The following ODAD4 variants were observed in gnomAD, a reference collection of about 807,000 sequenced individuals.
ODAD4 encodes the protein outer dynein arm-docking complex subunit 4.
A neutral mutation model predicts 51.8 loss-of-function variants in ODAD4; 49 were observed. The observed-to-expected ratio is 0.95, with a 90% confidence interval of 0.75 to 1.20. The LOEUF is 1.20. Among genes scored for constraint, ODAD4 ranks in the 50% most tolerant of loss-of-function variants. ODAD4 has a pLI of 0.00. For synonymous variants in ODAD4, 235 were observed against 221.3 expected, an observed-to-expected ratio of 1.06 and a Z score of -0.55; for missense variants, 590 against 586.5, an observed-to-expected ratio of 1.01 and a Z score of -0.06.
chr17:41,940,328 C>A (rs2050488816), intron 7 of ODAD4, among the ~76,000 whole-genome samples: 1 of 152,240 alleles, frequency 6.6e-6, no homozygotes, highest in Non-Finnish European at 1.5e-5. Flanking sequence ...GGGCCCCTCA[C>A]TGCCTGCAGG....
chr17:41,936,814 C>G lies in ODAD4; in HGVS notation c.512C>G (p.Thr171Ser), dbSNP rs534018542. 2 of 1,613,996 alleles carry G rather than the reference C, an allele frequency of 1.2e-6. No individual in the cohort carries two copies. Among genetic ancestry groups the G allele is most frequent in the Admixed American group, 1.7e-5 (1 of 60,026 alleles). The change falls in exon 5 of 12, where the codon ACC (threonine) becomes AGC (serine). Residue 171 changes from threonine (T) to serine (S), a missense_variant. Coordinates refer to ENST00000377540, the MANE Select transcript of ODAD4 (RefSeq NM_031421.5). ...CCCATGAAACACCTCTTACACCCCA[C>G]CAAGGGAGAGCCCAAGTGGAAGGCC... ...PQPMKHLLHP[T>S]KGEPKWKASL... is the part of the protein sequence containing the mutation.
chr17:41,938,694 A>G lies in ODAD4; in HGVS notation c.763A>G (p.Met255Val). The stretch of plus-strand genomic sequence containing the variant: ...CGCCAGGGAGCGGGACCGGAAGCTG[A>G]TGCAAGAGAAATGGCTGCGGGACCA... ...IYARERDRKL[M>V]QEKWLRDHKR... The change falls in exon 6 of 12, where the codon ATG becomes GTG. Residue 255 changes from methionine to valine, a missense_variant. Met to Val is a conservative substitution (Grantham distance 21, BLOSUM62 1). Coordinates refer to ENST00000377540, the MANE Select transcript of ODAD4 (RefSeq NM_031421.5). 6.2e-7 allele frequency: 1 copy of G among 1,613,948 alleles called. No individual in the cohort carries two copies. Among genetic ancestry groups the G allele is most frequent in the South Asian group, 1.1e-5 (1 of 91,078 alleles).
At chr17:41,956,801 T>G (rs2050740559) in intron 10 of ODAD4, among the ~76,000 whole-genome samples, 2 of 152,154 alleles carry the variant, frequency 1.3e-5, no homozygotes, top group African/African-American at 4.8e-5. Context: ...CAGGCTAGTC[T>G]CAAACTCTTT....
chr17:41,935,897 G>A, intron 3 of ODAD4, 148 bp downstream of exon 3: 1 of 934,390 alleles, frequency 1.1e-6, no homozygotes, highest in Non-Finnish European at 1.6e-6. Flanking sequence ...GTGTTGTTGA[G>A]GATTAGCCGG....
In ODAD4 at chr17:41,944,391, T is replaced by TACACACAC. The variant is rs1158342629; in HGVS notation, c.1059-698_1059-691dup. ...AAAACAAACAAACCCCAAACACACA[T>TACACACAC]ACACACACACACACACACACACACA... On this transcript the variant is annotated intron_variant, in intron 7 of 11. Transcript: ENST00000377540. 2.2e-3 allele frequency among the ~76,000 whole-genome samples: 173 copies of TACACACAC among 78,660 alleles called. 4 individuals are homozygous for TACACACAC. Among genetic ancestry groups the TACACACAC allele is most frequent in the Non-Finnish European group, 2.8e-3 (121 of 42,710 alleles). 51.6% of individuals were successfully genotyped at this position (78,660 alleles called of 152,430 possible). A position where few individuals can be genotyped will look rare whatever the true frequency, so the allele number is the denominator to read the frequency against.
intron 9 of ODAD4, among the ~76,000 whole-genome samples, chr17:41,954,872 C>T (rs544438731): frequency 7.3e-5 from 11 of 150,646 alleles, no homozygotes; most frequent in Admixed American, 2.0e-4. Flanking sequence ...AAAAAAAATT[C>T]GTCTTCCAGA....
chr17:41,948,829 AC>A (rs1451818611), intron 8 of ODAD4, among the ~76,000 whole-genome samples: 3 of 152,052 alleles, frequency 2.0e-5, no homozygotes, highest in Admixed American at 6.6e-5. Context: ...TAGTAGACAG[AC>A]AGGGTTTTGC....
At chr17:41,940,230 C>G (rs898196567) in intron 7 of ODAD4, among the ~76,000 whole-genome samples, 1 of 152,174 alleles carries the variant, frequency 6.6e-6, no homozygotes, top group Non-Finnish European at 1.5e-5. Context: ...GCTGCTTCCC[C>G]TGCCTCTGCT....
rs1302462015 is a variant in ODAD4, at chr17:41,956,167, C to T, written c.1443+850C>T. On this transcript the variant is annotated intron_variant, in intron 10 of 11. Coordinates refer to ENST00000377540, the MANE Select transcript of ODAD4 (RefSeq NM_031421.5). Reference sequence around the variant, plus strand: ...GGTTCAAACGATTCACCTGCCTCAGCCTCCCGAGTAGCTGGGATCACAGGC... The same window carrying T: ...GGTTCAAACGATTCACCTGCCTCAGTCTCCCGAGTAGCTGGGATCACAGGC... Among the ~76,000 whole-genome samples the T allele has an allele frequency of 3.6e-4, 54 of 151,770 alleles. 2 individuals carry two copies. The highest frequency in any genetic ancestry group is 3.5e-3 in the Admixed American group (53 of 15,192).
intron 10 of ODAD4, among the ~76,000 whole-genome samples, chr17:41,960,491 C>T (rs2050791576): frequency 6.6e-6 from 1 of 152,142 alleles, no homozygotes; most frequent in Admixed American, 6.5e-5. Flanking sequence ...AGCACAAACC[C>T]TGGTTCATGA....
At chr17:41,963,661 C>T (rs564275031) in intron 11 of ODAD4, among the ~76,000 whole-genome samples, 2 of 147,062 alleles carry the variant, frequency 1.4e-5, no homozygotes, top group African/African-American at 2.5e-5. Flanking sequence ...TTTTTTGAAA[C>T]GGAGTCTTGT....
At chr17:41,955,668 C>A (rs2050722153) in intron 10 of ODAD4, among the ~76,000 whole-genome samples, 1 of 152,150 alleles carries the variant, frequency 6.6e-6, no homozygotes, top group African/African-American at 2.4e-5. Context: ...TTGTGATCCG[C>A]CCGCCTTGGC....
intron 6 of ODAD4, 86 bp downstream of exon 6, chr17:41,938,867 T>G: frequency 2.6e-6 from 4 of 1,568,454 alleles, no homozygotes; most frequent in Non-Finnish European, 3.5e-6. Context: ...GAGCCCCTGG[T>G]CTCTCAGACC....
In ODAD4 at chr17:41,935,731, A is replaced by G; in HGVS notation, c.379A>G (p.Ile127Val). 6.2e-7 allele frequency: 1 copy of G among 1,614,000 alleles called. No homozygotes were observed. Among genetic ancestry groups the G allele is most frequent in the Non-Finnish European group, 8.5e-7 (1 of 1,179,870 alleles). ...TGGCATTCAGAAAGCCCAGGAAGCC[A>G]TCAACAACTCAGTGGGAAGTGAGTG... ...RVGIQKAQEA[I>V]NNSVGSPSSI... Residue 127 changes from isoleucine to valine, a missense_variant, in exon 3 of 12, where the codon ATC (isoleucine) becomes GTC (valine). By Grantham distance (29) the Ile-to-Val change is conservative. This residue lies in a region of ODAD4 where 360 missense variants were observed against 407.5 expected (regional missense o/e 0.88). Transcript: ENST00000377540.
intron 11 of ODAD4, among the ~76,000 whole-genome samples, chr17:41,963,379 T>A (rs1322291105): frequency 1.3e-5 from 2 of 152,180 alleles, no homozygotes; most frequent in African/African-American, 4.8e-5. Context: ...TAGCAGCGTA[T>A]ATCTTTATAG....
At chr17:41,955,484 A>G (rs530967267) in intron 10 of ODAD4, among the ~76,000 whole-genome samples, 167 bp downstream of exon 10, 147 of 152,104 alleles carry the variant, frequency 9.7e-4, no homozygotes, top group Non-Finnish European at 1.7e-3. Flanking sequence ...CTGGAGTGCA[A>G]TGGCGTGATC....
intron 7 of ODAD4, among the ~76,000 whole-genome samples, chr17:41,943,533 A>C (rs1235408150): frequency 6.6e-6 from 1 of 152,240 alleles, no homozygotes; most frequent in Non-Finnish European, 1.5e-5. Context: ...AGAATATTAC[A>C]AAGTACCTTC....
chr17:41,960,927 T>C (rs1339977264), intron 10 of ODAD4, among the ~76,000 whole-genome samples: 1 of 152,126 alleles, frequency 6.6e-6, no homozygotes, highest in African/African-American at 2.4e-5. Flanking sequence ...GCACTCGAGT[T>C]GGGGAAACTG....
intron 9 of ODAD4, 21 bp downstream of exon 9, chr17:41,949,370 A>G (rs1304808803): frequency 5.0e-6 from 2 of 398,304 alleles, no homozygotes; most frequent in Non-Finnish European, 8.8e-6. Flanking sequence ...AGAGATGACC[A>G]CCCTACCTTT....
Sources: gnomAD v4.1 joint callset for allele counts (sites outside exome capture counted in the v4.1 genomes callset) on GRCh38, gnomAD v4.1.1 for gene constraint, gnomAD v4.1.1 regional missense constraint, MANE v1.5 for transcripts, NCBI Gene and HGNC (gene_info 2026-07-23, HGNC 2026-07-21) for gene names.